Variants in IMPG1 observed in about 807,000 individuals in gnomAD.
IMPG1 encodes interphotoreceptor matrix proteoglycan of 150 kDa.
In IMPG1, 85 loss-of-function variants were observed where a neutral mutation model predicts 92.0. The ratio of observed to expected loss-of-function variants is 0.92; its 90% CI spans 0.78 to 1.11. The LOEUF (loss-of-function observed/expected upper bound fraction) is 1.11. Among genes scored for constraint, IMPG1 ranks in the 50% least tolerant of loss-of-function variants. The probability of loss-of-function intolerance (pLI) is 0.00; values close to 1 mark genes in which losing one functional copy is unlikely to be tolerated. For missense variants in IMPG1, 1,022 were observed against 956.0 expected (o/e 1.07, Z -0.91); for synonymous variants, 367 against 334.1 (o/e 1.10, Z -1.08).
chr6:76,044,316 T>A lies in IMPG1; in HGVS notation c.68-2190A>T, dbSNP rs2127594970. 2.0e-5 allele frequency among the ~76,000 whole-genome samples: 3 copies of A among 152,336 alleles called. No homozygotes were observed. The Middle Eastern group carries it at 0.01, about 518-fold the overall frequency. ...AAAGTAAGTTTTTGTTATATTTGAA[T>A]TGCCATTTAGAATGGAAGAAAAAGC... On this transcript the variant is annotated intron_variant, in intron 1 of 16. Transcript: ENST00000369950.
chr6:76,005,453 C>T lies in IMPG1; in HGVS notation c.969G>A (p.Leu323=). The T allele has an allele frequency of 6.2e-7, 1 of 1,614,002 alleles. No homozygotes were observed. The highest frequency in any genetic ancestry group is 8.5e-7 in the Non-Finnish European group (1 of 1,179,946). ...TTTCAATTTTGTTGGAATCAAAAGA[C>T]AGGAGGTCACTTGCAGGGCTTTTTG... is the stretch of plus-strand genomic sequence containing the variant. The part of the protein sequence containing the change: ...AEAKSPASDL[L]SFDSNKIESE... Residue 323 remains leucine (L), a synonymous_variant, in exon 10 of 17, where the codon CTG becomes CTA. Coordinates refer to ENST00000369950, the MANE Select transcript of IMPG1 (RefSeq NM_001563.4).
intron 15 of IMPG1, 38 bp downstream of exon 15, chr6:75,930,915 G>A (rs138361406): frequency 0.011 from 16,533 of 1,539,392 alleles, 118 homozygotes; most frequent in Non-Finnish European, 0.013. Context: ...TGTAAGTAAT[G>A]AGTTCTTGAG....
At chr6:75,970,521 T>C (rs1178662443) in intron 12 of IMPG1, among the ~76,000 whole-genome samples, 2 of 152,170 alleles carry the variant, frequency 1.3e-5, no homozygotes. Flanking sequence ...TTACTTTCTG[T>C]CTTCATTTTG....
intron 12 of IMPG1, among the ~76,000 whole-genome samples, chr6:75,965,988 C>T (rs556413825): frequency 3.0e-4 from 46 of 152,216 alleles, no homozygotes; most frequent in African/African-American, 1.1e-3. Flanking sequence ...TTAACAGTGT[C>T]CTTTGCAGAG....
At chr6:76,017,779 G>A (rs887584829) in intron 7 of IMPG1, among the ~76,000 whole-genome samples, 3 of 152,076 alleles carry the variant, frequency 2.0e-5, no homozygotes, top group Non-Finnish European at 2.9e-5. Context: ...TTGAGACAGA[G>A]TTTCACTCTT....
intron 1 of IMPG1, among the ~76,000 whole-genome samples, chr6:76,052,890 T>A (rs749324295): frequency 6.6e-6 from 1 of 152,164 alleles, no homozygotes; most frequent in African/African-American, 2.4e-5. Flanking sequence ...ACAGTTACAC[T>A]AAGATTGTCA....
chr6:76,053,331 T>C (rs1436939787), intron 1 of IMPG1, among the ~76,000 whole-genome samples: 2 of 152,188 alleles, frequency 1.3e-5, no homozygotes, highest in African/African-American at 4.8e-5. Flanking sequence ...CAAGGGGTTA[T>C]GCCAGAAAGT....
intron 2 of IMPG1, among the ~76,000 whole-genome samples, chr6:76,040,153 A>G (rs1783809850): frequency 1.3e-5 from 2 of 152,184 alleles, no homozygotes; most frequent in Admixed American, 6.5e-5. Flanking sequence ...CATAAAGATA[A>G]TGGACTGTCA....
At chr6:75,973,778 A>G (rs1782460251) in intron 12 of IMPG1, among the ~76,000 whole-genome samples, 1 of 152,162 alleles carries the variant, frequency 6.6e-6, no homozygotes, top group Admixed American at 6.6e-5. Flanking sequence ...TTGGAGCATT[A>G]TGTTATTTAA....
intron 9 of IMPG1, among the ~76,000 whole-genome samples, chr6:76,006,697 T>A (rs530408228): frequency 1.2e-4 from 19 of 152,198 alleles, no homozygotes; most frequent in African/African-American, 4.3e-4. Flanking sequence ...AAGCTGCTTT[T>A]AAAATAACAT....
chr6:76,003,396 T>A (rs1366174039), intron 11 of IMPG1, among the ~76,000 whole-genome samples: 2 of 152,192 alleles, frequency 1.3e-5, no homozygotes, highest in African/African-American at 4.8e-5. Flanking sequence ...AATACAAAAA[T>A]TATTACTGAA....
intron 4 of IMPG1, among the ~76,000 whole-genome samples, chr6:76,030,740 C>T (rs1213905804): frequency 6.6e-6 from 1 of 152,140 alleles, no homozygotes; most frequent in East Asian, 1.9e-4. Flanking sequence ...GACTGCTTTT[C>T]CCCAAATCAG....
chr6:76,046,029 C>T (rs1023123409), intron 1 of IMPG1, among the ~76,000 whole-genome samples: 1 of 151,858 alleles, frequency 6.6e-6, no homozygotes, highest in Non-Finnish European at 1.5e-5. Flanking sequence ...GAATTGGCTG[C>T]CATCAACAAC....
rs80174671 is a variant in IMPG1, at chr6:75,921,450, G to A, written c.*639C>T. Reference sequence around the variant, plus strand: ...AAAGTAAGATTTTTCCATGGTATGTGTATCTGAACCTCAGTTTCTTTTAAA... The same window carrying A: ...AAAGTAAGATTTTTCCATGGTATGTATATCTGAACCTCAGTTTCTTTTAAA... On this transcript the variant is annotated 3_prime_UTR_variant, in exon 17 of 17. Coordinates refer to ENST00000369950, the MANE Select transcript of IMPG1 (RefSeq NM_001563.4). The A allele has an allele frequency of 6.6e-6, 1 of 152,478 alleles. No individual in the cohort carries two copies. The highest frequency in any genetic ancestry group is 2.1e-4 in the South Asian group (1 of 4,832). 9.4% of individuals were successfully genotyped at this position (152,478 alleles called of 1,614,324 possible). A position where few individuals can be genotyped will look rare whatever the true frequency, so the allele number is the denominator to read the frequency against.
intron 12 of IMPG1, among the ~76,000 whole-genome samples, chr6:75,964,383 AT>A (rs1782266496): frequency 6.6e-6 from 1 of 152,194 alleles, no homozygotes; most frequent in African/African-American, 2.4e-5. Context: ...TTTTATCTCC[AT>A]AAAGAAAAAA....
intron 12 of IMPG1, among the ~76,000 whole-genome samples, chr6:75,975,289 C>T (rs1332791699): frequency 2.6e-5 from 4 of 152,178 alleles, no homozygotes; most frequent in Non-Finnish European, 4.4e-5. Flanking sequence ...ATATGGGGTC[C>T]GGTCATGTCC....
chr6:75,996,147 A>G (rs1353008898), intron 12 of IMPG1, among the ~76,000 whole-genome samples: 1 of 152,218 alleles, frequency 6.6e-6, no homozygotes, highest in Non-Finnish European at 1.5e-5. Flanking sequence ...ACGGTTTCCC[A>G]TCTAAAGATG....
chr6:76,052,996 C>T (rs1398362776), intron 1 of IMPG1, among the ~76,000 whole-genome samples: 1 of 152,072 alleles, frequency 6.6e-6, no homozygotes, highest in Non-Finnish European at 1.5e-5. Context: ...TTTTCCATAC[C>T]CCTCCATCAT....
chr6:76,008,475 C>T (rs932180008), intron 8 of IMPG1, among the ~76,000 whole-genome samples: 7 of 152,286 alleles, frequency 4.6e-5, no homozygotes, highest in African/African-American at 1.7e-4. Context: ...TAACTTTCAT[C>T]CCCAGATATC....
Sources: allele counts gnomAD v4.1 joint callset (sites outside exome capture counted in the v4.1 genomes callset), GRCh38; gene constraint gnomAD v4.1.1; transcripts MANE v1.5; gene names NCBI Gene and HGNC (gene_info 2026-07-23, HGNC 2026-07-21).